Variants in FAT4 observed in about 807,000 individuals in gnomAD.
The protein encoded by FAT4 is FAT atypical cadherin 4, also known as protocadherin Fat 4.
FAT4 carries 84 observed loss-of-function variants against 303.9 expected under a neutral mutation model. That is an observed-to-expected ratio of 0.28 (90% CI 0.23 to 0.33). FAT4 has a LOEUF of 0.33. Among genes scored for constraint, FAT4 ranks in the 10% least tolerant of loss-of-function variants. The pLI, the probability that FAT4 is intolerant of heterozygous loss-of-function variation, is 1.00. For synonymous variants in FAT4, 2,307 were observed against 2,298.8 expected, an observed-to-expected ratio of 1.00 and a Z score of -0.10; for missense variants, 6,005 against 6,146.8, an observed-to-expected ratio of 0.98 and a Z score of 0.77.
rs1727026181 is a variant in FAT4 at position 125,476,247 on chromosome 4, C to T, written c.12290C>T (p.Ser4097Leu). 1.3e-6 allele frequency: 2 copies of T among 1,580,394 alleles called. No individual in the cohort carries two copies. Among genetic ancestry groups the T allele is most frequent in the African/African-American group, 2.7e-5 (2 of 74,268 alleles). ...GYCTVSNVAV[S>L]DDWTLDVQPN... ...TGTACTGTCAGTAATGTGGCAGTTTCAGATGACTGGTAAGGAATAGGATTA... is the reference window on the plus strand; with the variant it reads ...TGTACTGTCAGTAATGTGGCAGTTTTAGATGACTGGTAAGGAATAGGATTA... Residue 4097 changes from serine (S) to leucine (L), a missense_variant, in exon 13 of 18, where the codon TCA becomes TTA. Coordinates refer to ENST00000394329, the MANE Select transcript of FAT4 (RefSeq NM_001291303.3).
intron 7 of FAT4, among the ~76,000 whole-genome samples, chr4:125,425,694 G>A (rs987027760): frequency 6.6e-6 from 1 of 152,014 alleles, no homozygotes; most frequent in African/African-American, 2.4e-5. Flanking sequence ...GCAGTTAGTT[G>A]GGCTGTATGT....
At position 125,317,733 on chromosome 4, in the gene FAT4, C is replaced by T. The variant is rs1183809431; in HGVS notation, c.1322C>T (p.Ser441Phe). The change falls in exon 2 of 18, where the codon TCT becomes TTT. Residue 441 changes from serine to phenylalanine, a missense_variant. Transcript: ENST00000394329. This position sits in a 1 kb window ranked among gnomAD's most constrained non-coding sequence, Gnocchi z 7.0. ...TCCTACAACCTCACAGTTTCCGTCT[C>T]TGATAACTACGGGGCGCCCCCTGGC... The part of the protein sequence containing the change: ...IPSYNLTVSV[S>F]DNYGAPPGAA... The T allele has an allele frequency of 1.9e-6, 3 of 1,614,048 alleles. No homozygotes were observed. In the African/African-American group the frequency reaches 4.0e-5, roughly 22 times the overall value.
At chr4:125,416,296 G>A (rs184795049) in intron 6 of FAT4, 152 bp from the exon 7 acceptor site, 2 of 681,700 alleles carry the variant, frequency 2.9e-6, no homozygotes, top group East Asian at 5.3e-5. Flanking sequence ...ATATACTATA[G>A]TGTGCCATTT....
chr4:125,378,285 A>G (rs2125996601), intron 2 of FAT4, among the ~76,000 whole-genome samples: 1 of 152,262 alleles, frequency 6.6e-6, no homozygotes, highest in African/African-American at 2.4e-5. Flanking sequence ...GGTACATGAA[A>G]GCGGAGTACG....
Position 125,393,990 on chromosome 4 carries a change from G to A in FAT4, c.5176-4794G>A, listed in dbSNP as rs371602375. The A allele has an allele frequency of 7.4e-5, 58 of 780,176 alleles. No individual in the cohort carries two copies. In the South Asian group the frequency reaches 7.5e-4, roughly 10 times the overall value. 48.3% of individuals were successfully genotyped at this position (780,176 alleles called of 1,614,324 possible). The stretch of plus-strand genomic sequence containing the variant: ...TACCTTAGCTCAACCATTAGCTGCA[G>A]CTGAAGTGTTTATTGTAAGTCAAGC... On this transcript the variant is annotated intron_variant, in intron 2 of 17. Transcript: ENST00000394329.
Position 125,414,956 on chromosome 4 carries a change from G to A in FAT4, c.5993G>A (p.Gly1998Asp), listed in dbSNP as rs753912480. The change falls in exon 6 of 18, where the codon GGT (glycine) becomes GAT (aspartate). Residue 1998 changes from glycine (G) to aspartate (D), a missense_variant. Gly to Asp is a moderately conservative substitution (Grantham distance 94, BLOSUM62 -1). Coordinates refer to ENST00000394329, the MANE Select transcript of FAT4 (RefSeq NM_001291303.3). Reference protein sequence around the residue: ...SLGQFTVDKNGVLKVLKALDR... With the variant: ...SLGQFTVDKNDVLKVLKALDR... The stretch of plus-strand genomic sequence containing the variant: ...GGGCAGTTTACTGTTGACAAGAATG[G>A]TGTACTCAAAGTCCTAAAAGCTTTG... 12 of 1,613,860 alleles carry A rather than the reference G, an allele frequency of 7.4e-6. No homozygotes were observed. In the Admixed American group the frequency reaches 1.5e-4, roughly 20 times the overall value.
At chr4:125,340,071 A>G (rs1731725022) in intron 2 of FAT4, among the ~76,000 whole-genome samples, 1 of 152,146 alleles carries the variant, frequency 6.6e-6, no homozygotes, top group Admixed American at 6.6e-5. Context: ...CTTTAAAATC[A>G]CTGACAGAAA....
chr4:125,413,035 A>G (rs1376745465), intron 5 of FAT4, among the ~76,000 whole-genome samples: 1 of 151,846 alleles, frequency 6.6e-6, no homozygotes, highest in Non-Finnish European at 1.5e-5. Context: ...ATAATTAAAA[A>G]TAAATTCTGT....
intron 15 of FAT4, among the ~76,000 whole-genome samples, chr4:125,480,279 ACAT>A (rs1201800868): frequency 1.3e-5 from 2 of 152,148 alleles, no homozygotes; most frequent in African/African-American, 4.8e-5. Context: ...TGAGATCAAA[ACAT>A]CATACAGAGC....
intron 2 of FAT4, among the ~76,000 whole-genome samples, chr4:125,322,483 T>C (rs566413165): frequency 6.6e-6 from 1 of 152,138 alleles, no homozygotes. Flanking sequence ...AGAAATGATA[T>C]AGCTATACTC....
intron 8 of FAT4, among the ~76,000 whole-genome samples, chr4:125,437,377 C>T (rs1725495970): frequency 6.6e-6 from 1 of 152,120 alleles, no homozygotes; most frequent in East Asian, 1.9e-4. Flanking sequence ...CTAGAGACAA[C>T]AGAGGAAATG....
At chr4:125,465,712 A>G (rs1281157072) in intron 11 of FAT4, among the ~76,000 whole-genome samples, 2 of 152,170 alleles carry the variant, frequency 1.3e-5, no homozygotes, top group African/African-American at 4.8e-5. Context: ...AGCACAATGT[A>G]AATTAAAATA....
At chr4:125,466,245 AC>A (rs1726658793) in intron 11 of FAT4, among the ~76,000 whole-genome samples, 2 of 152,074 alleles carry the variant, frequency 1.3e-5, no homozygotes, top group Non-Finnish European at 2.9e-5. Flanking sequence ...CAGTACCAAA[AC>A]CTTTTAAGAA....
chr4:125,476,551 A>C (rs1159724760), intron 13 of FAT4, among the ~76,000 whole-genome samples: 1 of 152,228 alleles, frequency 6.6e-6, no homozygotes, highest in Non-Finnish European at 1.5e-5. Flanking sequence ...TCTGAAAAAC[A>C]TGTAGGATAA....
At position 125,443,377 on chromosome 4, in the gene FAT4, G is replaced by T. The variant is rs561747557; in HGVS notation, c.7200-2916G>T. Reference sequence around the variant, plus strand: ...TGAGCAAGAGTCCATGTTGGCCTTCGCAATTGGTACATTTTCCGTCTTCAC... The same window carrying T: ...TGAGCAAGAGTCCATGTTGGCCTTCTCAATTGGTACATTTTCCGTCTTCAC... On this transcript the variant is annotated intron_variant, in intron 8 of 17. Transcript: ENST00000394329. 3.9e-5 allele frequency among the ~76,000 whole-genome samples: 6 copies of T among 152,182 alleles called. No homozygotes were observed. In the South Asian group the frequency reaches 1.0e-3, roughly 26 times the overall value.
rs749289019 is a variant in FAT4 at position 125,434,439 on chromosome 4, C to G, written c.7199+14C>G. The G allele has an allele frequency of 6.2e-7, 1 of 1,611,740 alleles. No individual in the cohort carries two copies. Among genetic ancestry groups the G allele is most frequent in the Non-Finnish European group, 8.5e-7 (1 of 1,179,112 alleles). On this transcript the variant is annotated intron_variant, in intron 8 of 17. Coordinates refer to ENST00000394329, the MANE Select transcript of FAT4 (RefSeq NM_001291303.3). ...TGCAGTTATAAGGTCAGTACATTTT[C>G]CTTTGTAAAGTTTGTCTGTTTTCTC...
chr4:125,432,970 T>G (rs928172731), intron 7 of FAT4, among the ~76,000 whole-genome samples: 2 of 152,124 alleles, frequency 1.3e-5, no homozygotes, highest in African/African-American at 4.8e-5. Flanking sequence ...ATAACAGATC[T>G]CCAAAACCAT....
chr4:125,348,486 A>G (rs1732091150), intron 2 of FAT4, among the ~76,000 whole-genome samples: 1 of 151,738 alleles, frequency 6.6e-6, no homozygotes, highest in Non-Finnish European at 1.5e-5. Context: ...GAGAGCAATC[A>G]ATAATTAATG....
At chr4:125,457,654 T>A (rs1726330921) in intron 10 of FAT4, among the ~76,000 whole-genome samples, 1 of 152,028 alleles carries the variant, frequency 6.6e-6, no homozygotes, top group Non-Finnish European at 1.5e-5. Context: ...TATGAAGCTT[T>A]GATTAACTGT....
Sources: allele counts gnomAD v4.1 joint callset (sites outside exome capture counted in the v4.1 genomes callset), GRCh38; gene constraint gnomAD v4.1.1; non-coding constraint Gnocchi (gnomAD v3.1); transcripts MANE v1.5; gene names NCBI Gene and HGNC (gene_info 2026-07-23, HGNC 2026-07-21).